The following ERI1 variants were observed in gnomAD, a reference collection of about 807,000 sequenced individuals.
The protein encoded by ERI1 is exoribonuclease 1.
Under a neutral mutation model 39.7 loss-of-function variants are expected in ERI1, and 39 were observed. The ratio of observed to expected loss-of-function variants is 0.98; its 90% CI spans 0.76 to 1.28. The LOEUF (loss-of-function observed/expected upper bound fraction) is 1.28. Among genes scored for constraint, ERI1 ranks in the 50% most tolerant of loss-of-function variants. The probability of loss-of-function intolerance (pLI) is 0.00; values close to 1 mark genes in which losing one functional copy is unlikely to be tolerated. For missense variants in ERI1, 581 were observed against 416.9 expected (o/e 1.39, Z -3.43); for synonymous variants, 204 against 149.6 (o/e 1.36, Z -2.65).
chr8:9,067,382 A>ATGTGTG (rs10551937), intron 3 of ERI1, among the ~76,000 whole-genome samples: 13,401 of 143,862 alleles, frequency 0.093, 816 homozygotes, highest in Non-Finnish European at 0.13. Context: ...ACCTGTGTGC[A>ATGTGTG]TGTGTGTGTG....
intron 3 of ERI1, among the ~76,000 whole-genome samples, chr8:9,053,308 C>T (rs763055464): frequency 7.9e-5 from 12 of 152,196 alleles, no homozygotes; most frequent in Non-Finnish European, 1.6e-4. Flanking sequence ...AGAGCCACCG[C>T]GCCCAGCCAG....
chr8:9,016,390 A>G lies in ERI1; in HGVS notation c.567A>G (p.Leu189=). 1.2e-6 allele frequency: 2 copies of G among 1,603,094 alleles called. No homozygotes were observed. ...AGCTGTCTGATTTCTGCATCAGTCT[A>G]ACTGGAATTACTCAGGTTATAATTC... ...NTQLSDFCIS[L]TGITQDQVDR... is the part of the protein sequence containing the mutation. The change falls in exon 4 of 7, where the codon CTA becomes CTG. Residue 189 remains leucine (L), a synonymous_variant. Transcript: ENST00000250263.
intron 3 of ERI1, among the ~76,000 whole-genome samples, chr8:9,043,209 G>T (rs1798078436): frequency 6.6e-6 from 1 of 152,142 alleles, no homozygotes; most frequent in African/African-American, 2.4e-5. Context: ...CAAAACACTT[G>T]TGTCTTCTTG....
chr8:9,048,480 C>T (rs980977539), intron 3 of ERI1: 1 of 154,378 alleles, frequency 6.5e-6, no homozygotes, highest in Non-Finnish European at 1.5e-5. Flanking sequence ...ATGGAGAAGA[C>T]TTTTCCTTTC....
intron 6 of ERI1, among the ~76,000 whole-genome samples, chr8:9,024,982 C>G (rs932007887): frequency 2.0e-5 from 3 of 152,004 alleles, no homozygotes; most frequent in Non-Finnish European, 4.4e-5. Context: ...GTTGAAAGTG[C>G]AGTGAAGTGT....
chr8:9,003,193 G>C, intron 1 of ERI1, 22 bp downstream of exon 1: 1 of 1,229,230 alleles, frequency 8.1e-7, no homozygotes, highest in African/African-American at 1.6e-5. Flanking sequence ...ACCCGCGCCT[G>C]GCTGTTGGCG....
intron 3 of ERI1, among the ~76,000 whole-genome samples, chr8:9,051,382 C>A (rs913914799): frequency 6.6e-6 from 1 of 151,852 alleles, no homozygotes; most frequent in Non-Finnish European, 1.5e-5. Context: ...AAGGGCTGGG[C>A]GTGGTGGCTC....
chr8:9,075,429 A>G (rs73520711), intron 3 of ERI1, among the ~76,000 whole-genome samples: 7,255 of 151,922 alleles, frequency 0.048, 525 homozygotes, highest in African/African-American at 0.16. Context: ...ACAGCTAAAG[A>G]CATTCACTTT....
At chr8:9,094,696 G>A (rs769834008) in intron 3 of ERI1, among the ~76,000 whole-genome samples, 4 of 152,160 alleles carry the variant, frequency 2.6e-5, no homozygotes, top group African/African-American at 9.7e-5. Flanking sequence ...TCCTGCTGGA[G>A]TTCACTGCTT....
At chr8:9,029,243 A>C (rs1797413436) in intron 6 of ERI1, among the ~76,000 whole-genome samples, 1 of 152,202 alleles carries the variant, frequency 6.6e-6, no homozygotes, top group South Asian at 2.1e-4. Flanking sequence ...ATTATTTTTA[A>C]ATTAAAAAAC....
chr8:9,048,290 T>C lies in ERI1; in HGVS notation n.299+27826T>C, dbSNP rs117137479. On this transcript the variant is annotated intron_variant and non_coding_transcript_variant, in intron 3 of 3. Transcript: ENST00000518663. ...CATAGGGATTTGTTTTTTTTAAGACTGAAAATCACTGCATTAGGGAAGCAG... is the reference window on the plus strand; with the variant it reads ...CATAGGGATTTGTTTTTTTTAAGACCGAAAATCACTGCATTAGGGAAGCAG... 3.3e-3 allele frequency among the ~76,000 whole-genome samples: 506 copies of C among 152,172 alleles called. 2 individuals are homozygous for C. Among genetic ancestry groups the C allele is most frequent in the Admixed American group, 5.2e-3 (79 of 15,286 alleles).
At chr8:9,035,256 G>C (rs539071822), downstream of ERI1, among the ~76,000 whole-genome samples, 1 of 152,282 alleles carries the variant, frequency 6.6e-6, no homozygotes, top group South Asian at 2.1e-4. Flanking sequence ...CCATACAACA[G>C]GTTTTCAATG....
At chr8:9,089,712 A>T (rs1363048889) in intron 3 of ERI1, among the ~76,000 whole-genome samples, 4 of 152,110 alleles carry the variant, frequency 2.6e-5, no homozygotes, top group Non-Finnish European at 5.9e-5. Flanking sequence ...AGCTGTACAA[A>T]ATGACGAGGT....
rs1294518046 is a variant in ERI1 at position 9,032,304 on chromosome 8, A to T, written c.*2270A>T. On this transcript the variant is annotated 3_prime_UTR_variant, in exon 7 of 7. Transcript: ENST00000250263. Reference sequence around the variant, plus strand: ...TAATAGTTACTTAGTATTTACAAACAATTTATTATTAGCTGTGTTAACTTT... The same window carrying T: ...TAATAGTTACTTAGTATTTACAAACTATTTATTATTAGCTGTGTTAACTTT... 1 of 152,186 alleles carries T rather than the reference A, an allele frequency of 6.6e-6. No individual in the cohort carries two copies. The highest frequency in any genetic ancestry group is 2.4e-5 in the African/African-American group (1 of 41,434). 9.4% of individuals were successfully genotyped at this position (152,186 alleles called of 1,614,324 possible).
At chr8:9,013,633 T>C (rs945181962) in intron 3 of ERI1, among the ~76,000 whole-genome samples, 1 of 152,158 alleles carries the variant, frequency 6.6e-6, no homozygotes, top group Admixed American at 6.5e-5. Flanking sequence ...CAAATACATA[T>C]TTCCAACCCG....
In ERI1 at chr8:9,018,425, TA is replaced by T. The variant is rs754630114; in HGVS notation, c.692+20del. 3.1e-4 allele frequency: 401 copies of T among 1,309,788 alleles called. 1 individual carries two copies. The highest frequency in any genetic ancestry group is 4.0e-4 in the Non-Finnish European group (371 of 920,664). The allele number at this position is 1,309,788 out of a possible 1,614,324, so 81.1% of individuals were successfully genotyped here. Reference sequence around the variant, plus strand: ...CAGATGGGTAAGTATTTAGGAAGATTATTTTTTTATATCTACTTTTTAAAGA... The same window carrying T: ...CAGATGGGTAAGTATTTAGGAAGATTTTTTTTTATATCTACTTTTTAAAGA... On this transcript the variant is annotated intron_variant, in intron 5 of 6. Transcript: ENST00000250263.
At chr8:9,073,337 G>T (rs1185156888) in intron 3 of ERI1, among the ~76,000 whole-genome samples, 1 of 152,170 alleles carries the variant, frequency 6.6e-6, no homozygotes, top group Non-Finnish European at 1.5e-5. Flanking sequence ...GAAGGATATT[G>T]TCTACTCTTA....
chr8:9,093,634 C>G (rs1431729265), intron 3 of ERI1, among the ~76,000 whole-genome samples: 1 of 152,184 alleles, frequency 6.6e-6, no homozygotes, highest in Non-Finnish European at 1.5e-5. Context: ...GTGGTGCAAT[C>G]TCCGCTCACT....
downstream of ERI1, among the ~76,000 whole-genome samples, chr8:9,034,475 A>G (rs903669900): frequency 6.6e-6 from 1 of 152,168 alleles, no homozygotes; most frequent in Admixed American, 6.5e-5. Flanking sequence ...AATTCTCCCT[A>G]TATTTCAAAC....
Sources: gnomAD v4.1 joint callset for allele counts (sites outside exome capture counted in the v4.1 genomes callset) on GRCh38, gnomAD v4.1.1 for gene constraint, MANE v1.5 for transcripts, NCBI Gene and HGNC (gene_info 2026-07-23, HGNC 2026-07-21) for gene names.